FAM221B: variants seen among roughly 807,000 people sequenced by gnomAD.
FAM221B encodes family with sequence similarity 221 member B, also known as protein FAM221B.
FAM221B carries 35 observed loss-of-function variants against 39.8 expected under a neutral mutation model. The observed-to-expected ratio is 0.88, with a 90% confidence interval of 0.67 to 1.17. FAM221B has a LOEUF of 1.17. FAM221B is among the 50% of genes most tolerant of loss of function. The pLI, the probability that FAM221B is intolerant of heterozygous loss-of-function variation, is 0.00. For synonymous variants in FAM221B, 158 were observed against 178.1 expected (o/e 0.89, Z 0.90); for missense variants, 479 against 503.1 (o/e 0.95, Z 0.46).
At position 35,818,913 on chromosome 9, in the gene FAM221B, C is replaced by T. The variant is rs544498652; in HGVS notation, c.1148G>A (p.Arg383Gln). The T allele has an allele frequency of 6.9e-5, 107 of 1,551,934 alleles. No homozygotes were observed. The highest frequency in any genetic ancestry group is 7.9e-5 in the Non-Finnish European group (91 of 1,147,052). ...HETFFDTQKT[R>Q]QRGGRPRGTD... ...ACCGCGAGGCCTTCCTCCTCGTTGC[C>T]GGGTCTTCTGGGTGTCAAAGAAAGT... Residue 383 changes from arginine (R) to glutamine (Q), a missense_variant, in exon 6 of 7, where the codon CGG becomes CAG. Physicochemically the swap from Arg to Gln is conservative, Grantham distance 43. Transcript: ENST00000423537.
chr9:35,818,590 G>A lies in FAM221B; in HGVS notation c.1172-84C>T. ...GGCTGGAGACCGTGTGAACCAGGGAGCCCCGGGGGACTAGGGTGGGAGCTG... is the reference window on the plus strand; with the variant it reads ...GGCTGGAGACCGTGTGAACCAGGGAACCCCGGGGGACTAGGGTGGGAGCTG... On this transcript the variant is annotated intron_variant, in intron 6 of 6. Coordinates refer to ENST00000423537, the MANE Select transcript of FAM221B (RefSeq NM_001012446.4). 2.2e-6 allele frequency: 3 copies of A among 1,370,960 alleles called. No homozygotes were observed. The South Asian group carries it at 3.7e-5, about 17-fold the overall frequency. 84.9% of individuals were successfully genotyped at this position (1,370,960 alleles called of 1,614,324 possible).
chr9:35,825,458 T>C lies in FAM221B; in HGVS notation c.599-85A>G. The C allele has an allele frequency of 6.3e-7, 1 of 1,593,198 alleles. No individual in the cohort carries two copies. Among genetic ancestry groups the C allele is most frequent in the Non-Finnish European group, 8.6e-7 (1 of 1,166,320 alleles). On this transcript the variant is annotated intron_variant, in intron 2 of 6. Transcript: ENST00000423537. This position sits in a 1 kb window ranked among gnomAD's most constrained non-coding sequence, Gnocchi z 4.2. ...GGGGCCATGTCCAAGAGTAACCCAG[T>C]CTCCTCCTCCTGGGGCAAGTCAAGG... is the stretch of plus-strand genomic sequence containing the variant.
chr9:35,823,521 G>A (rs1332081236), intron 3 of FAM221B, among the ~76,000 whole-genome samples: 1 of 152,164 alleles, frequency 6.6e-6, no homozygotes, highest in Non-Finnish European at 1.5e-5. Context: ...ATAATTGTTC[G>A]GGGTTGAATG....
intron 3 of FAM221B, chr9:35,821,697 G>C: frequency 4.4e-6 from 5 of 1,147,442 alleles, no homozygotes; most frequent in Non-Finnish European, 6.0e-6. Context: ...TCGGAGGGCC[G>C]GGGGGCAGTC....
At chr9:35,824,675 T>G (rs1829261506) in intron 3 of FAM221B, among the ~76,000 whole-genome samples, 1 of 151,458 alleles carries the variant, frequency 6.6e-6, no homozygotes, top group Non-Finnish European at 1.5e-5. Context: ...TTTTGTTTTT[T>G]GTTTTTTGGT....
In FAM221B at chr9:35,828,703, G is replaced by A. The variant is rs887882151; in HGVS notation, c.-241C>T. 1.2e-5 allele frequency: 12 copies of A among 985,402 alleles called. No individual in the cohort carries two copies. The highest frequency in any genetic ancestry group is 1.0e-4 in the African/African-American group (6 of 57,210). The allele number at this position is 985,402 out of a possible 1,614,324, so 61.0% of individuals were successfully genotyped here. ...CTGGGGAAGTGGGTAGGGACAAGGG[G>A]TCTAGGGCCAATGAGGGAGGGTCTT... On this transcript the variant is annotated 5_prime_UTR_variant, in exon 1 of 7. Coordinates refer to ENST00000423537, the MANE Select transcript of FAM221B (RefSeq NM_001012446.4). The surrounding 1 kb of genome is among the most constrained non-coding windows in gnomAD (Gnocchi z 4.5).
intron 6 of FAM221B, 144 bp from the exon 7 acceptor site, chr9:35,818,650 A>C (rs2281646): frequency 4.1e-6 from 4 of 968,492 alleles, no homozygotes. Flanking sequence ...TGCAGGGCCT[A>C]GAAGTCAGAG....
chr9:35,821,662 G>GCCCTCTCCCTCTCCCTC, intron 3 of FAM221B: 1 of 1,356,550 alleles, frequency 7.4e-7, no homozygotes. Context: ...AAAGCAGGAG[G>GCCCTCTCCCTCTCCCTC]TGAGGCCCAA....
intron 3 of FAM221B, among the ~76,000 whole-genome samples, chr9:35,824,288 A>G (rs1564007121): frequency 6.6e-6 from 1 of 152,184 alleles, no homozygotes; most frequent in Non-Finnish European, 1.5e-5. Flanking sequence ...TAATCCCTAT[A>G]GACATGAATT....
In FAM221B at chr9:35,822,197, C is replaced by G. The variant is rs185048466; in HGVS notation, c.743-2197G>C. On this transcript the variant is annotated intron_variant, in intron 3 of 6. Transcript: ENST00000423537. ...CCAATTATTCCCTCCAAACCTGGCT[C>G]TCATCCTTTGTCCTCTGTTCATCCA... is the stretch of plus-strand genomic sequence containing the variant. Among the ~76,000 whole-genome samples, 11 of 152,282 alleles carry G rather than the reference C, an allele frequency of 7.2e-5. No individual in the cohort carries two copies. In the East Asian group the frequency reaches 1.9e-3, roughly 27 times the overall value.
chr9:35,828,329 AACAACTACTACT>A lies in FAM221B; in HGVS notation c.-1+122_-1+133del, dbSNP rs1412232992. The A allele has an allele frequency of 1.0e-4, 14 of 139,252 alleles. No homozygotes were observed. The highest frequency in any genetic ancestry group is 2.4e-4 in the South Asian group (1 of 4,222). 8.6% of individuals were successfully genotyped at this position (139,252 alleles called of 1,614,324 possible). A position where few individuals can be genotyped will look rare whatever the true frequency, so the allele number is the denominator to read the frequency against. ...CAACAACAACAACAACAACAACAACAACAACTACTACTACTACTACTACTACTACTACTACTA... is the reference window on the plus strand; with the variant it reads ...CAACAACAACAACAACAACAACAACAACTACTACTACTACTACTACTACTA... On this transcript the variant is annotated intron_variant, in intron 1 of 6. Transcript: ENST00000423537. This position sits in a 1 kb window ranked among gnomAD's most constrained non-coding sequence, Gnocchi z 4.5.
rs951641162 is a variant in FAM221B, at chr9:35,816,805, A to G, written c.*1664T>C. 7.2e-5 allele frequency: 11 copies of G among 152,200 alleles called. No homozygotes were observed. Among genetic ancestry groups the G allele is most frequent in the Non-Finnish European group, 1.3e-4 (9 of 68,028 alleles). 9.4% of individuals were successfully genotyped at this position (152,200 alleles called of 1,614,324 possible). A position where few individuals can be genotyped will look rare whatever the true frequency, so the allele number is the denominator to read the frequency against. Reference sequence around the variant, plus strand: ...TTCTGTGATTTTCCCCAGGGATCCTAGCAGTCCAGATTGCATTCCTTCCCT... The same window carrying G: ...TTCTGTGATTTTCCCCAGGGATCCTGGCAGTCCAGATTGCATTCCTTCCCT... On this transcript the variant is annotated 3_prime_UTR_variant, in exon 7 of 7. Coordinates refer to ENST00000423537, the MANE Select transcript of FAM221B (RefSeq NM_001012446.4).
At position 35,819,312 on chromosome 9, in the gene FAM221B, C is replaced by T. The variant is rs1829087340; in HGVS notation, c.936G>A (p.Glu312=). 3.2e-6 allele frequency: 5 copies of T among 1,551,746 alleles called. No individual in the cohort carries two copies. The African/African-American group carries it at 4.1e-5, about 13-fold the overall frequency. The change falls in exon 5 of 7, where the codon GAG becomes GAA. Residue 312 remains glutamate, a synonymous_variant. Transcript: ENST00000423537. ...FIPSRPEEVG[E]FWLKRRATFD... Reference sequence around the variant, plus strand: ...AGGTGGCCCGTCTCTTGAGCCAGAACTCACCCACCTCCTCTGGGCGTGATG... The same window carrying T: ...AGGTGGCCCGTCTCTTGAGCCAGAATTCACCCACCTCCTCTGGGCGTGATG...
At position 35,826,110 on chromosome 9, in the gene FAM221B, T is replaced by G. The variant is rs1352440603; in HGVS notation, c.52A>C (p.Lys18Gln). 3.1e-6 allele frequency: 5 copies of G among 1,610,944 alleles called. No homozygotes were observed. The South Asian group carries it at 5.5e-5, about 18-fold the overall frequency. Residue 18 changes from lysine to glutamine, a missense_variant, in exon 2 of 7, where the codon AAG becomes CAG. Lys to Gln is a moderately conservative substitution (Grantham distance 53). Transcript: ENST00000423537. The part of the protein sequence containing the change: ...EEPHITMDAE[K>Q]HPPSKDPSAE... ...GAGGGGTCCTTTGAAGGGGGGTGCTTCTCTGCATCCATGGTGATATGAGGC... is the reference window on the plus strand; with the variant it reads ...GAGGGGTCCTTTGAAGGGGGGTGCTGCTCTGCATCCATGGTGATATGAGGC...
chr9:35,820,352 G>A (rs1829123765), intron 3 of FAM221B, among the ~76,000 whole-genome samples: 1 of 152,188 alleles, frequency 6.6e-6, no homozygotes, highest in South Asian at 2.1e-4. Context: ...TGACCACAGG[G>A]ATTCTCATCT....
At chr9:35,821,696 C>T (rs576068116) in intron 3 of FAM221B, 53 of 1,177,474 alleles carry the variant, frequency 4.5e-5, no homozygotes, top group African/African-American at 1.3e-4. Context: ...CTCGGAGGGC[C>T]GGGGGGCAGT....
chr9:35,826,063 G>A lies in FAM221B; in HGVS notation c.99C>T (p.Asn33=). 6.2e-7 allele frequency: 1 copy of A among 1,614,140 alleles called. No individual in the cohort carries two copies. The highest frequency in any genetic ancestry group is 1.1e-5 in the South Asian group (1 of 91,080). The change falls in exon 2 of 7, where the codon AAC becomes AAT. Residue 33 remains asparagine (N), a synonymous_variant. Transcript: ENST00000423537. ...GCTTCAAGAAGCTTTCAGAGATATG[G>A]TTCTCCTGTAAGTCCTCAGCAGAGG... ...KDPSAEDLQE[N]HISESFLKPS...
rs770087601 is a variant in FAM221B at position 35,828,223 on chromosome 9, C to T, written c.-1+240G>A. 4.6e-5 allele frequency among the ~76,000 whole-genome samples: 7 copies of T among 151,932 alleles called. No homozygotes were observed. The highest frequency in any genetic ancestry group is 1.0e-4 in the Non-Finnish European group (7 of 68,004). The stretch of plus-strand genomic sequence containing the variant: ...AAGCAAATCACTTGAACCTGGGAGG[C>T]GGAGGTTGCAGTGAGCCCAGATCGC... On this transcript the variant is annotated intron_variant, in intron 1 of 6. Coordinates refer to ENST00000423537, the MANE Select transcript of FAM221B (RefSeq NM_001012446.4). This position sits in a 1 kb window ranked among gnomAD's most constrained non-coding sequence, Gnocchi z 4.5.
chr9:35,821,209 G>A (rs991518395), intron 3 of FAM221B, among the ~76,000 whole-genome samples: 7 of 152,148 alleles, frequency 4.6e-5, no homozygotes, highest in South Asian at 2.1e-4. Flanking sequence ...CTTTTCACCC[G>A]TATCTCTCAT....
Sources: allele counts gnomAD v4.1 joint callset (sites outside exome capture counted in the v4.1 genomes callset), GRCh38; gene constraint gnomAD v4.1.1; non-coding constraint Gnocchi (gnomAD v3.1); transcripts MANE v1.5; gene names NCBI Gene and HGNC (gene_info 2026-07-23, HGNC 2026-07-21).